CAPSL: variants seen among roughly 807,000 people sequenced by gnomAD.
The protein encoded by CAPSL is calcyphosin-like protein.
CAPSL carries 17 observed loss-of-function variants against 21.3 expected under a neutral mutation model. That is an observed-to-expected ratio of 0.80 (90% CI 0.55 to 1.20). The LOEUF (loss-of-function observed/expected upper bound fraction) is 1.20. Ranked by LOEUF, CAPSL falls within the 50% of genes most tolerant of loss-of-function variation. CAPSL has a pLI of 0.00. For synonymous variants in CAPSL, 102 were observed against 89.3 expected (o/e 1.14, Z -0.80); for missense variants, 289 against 259.3 (o/e 1.11, Z -0.79).
chr5:35,904,714 G>T (rs1760638553), intron 4 of CAPSL, 68 bp from the exon 5 acceptor site: 1 of 1,595,884 alleles, frequency 6.3e-7, no homozygotes, highest in Non-Finnish European at 8.5e-7. Context: ...CGCCCACCTT[G>T]TGCACCTGTA....
chr5:35,931,102 A>G (rs1738810049), intron 1 of CAPSL, among the ~76,000 whole-genome samples: 1 of 152,200 alleles, frequency 6.6e-6, no homozygotes, highest in African/African-American at 2.4e-5. Context: ...ATCTCTTTGT[A>G]TTATCTGTTT....
At chr5:35,906,820 G>A (rs1483629246) in intron 4 of CAPSL, among the ~76,000 whole-genome samples, 2 of 152,128 alleles carry the variant, frequency 1.3e-5, no homozygotes, top group African/African-American at 4.8e-5. Flanking sequence ...GAATGGAGAA[G>A]GAATCCAAGA....
Position 35,914,024 on chromosome 5 carries a change from C to A in CAPSL, c.138-3481G>T, listed in dbSNP as rs976871878. On this transcript the variant is annotated intron_variant, in intron 2 of 4. Transcript: ENST00000651391. ...AAGGGATGGAGGAAGATCTACCAAGCAAATGGAAAACAAAAAAAGGCAGGG... is the reference window on the plus strand; with the variant it reads ...AAGGGATGGAGGAAGATCTACCAAGAAAATGGAAAACAAAAAAAGGCAGGG... Among the ~76,000 whole-genome samples, 5 of 152,010 alleles carry A rather than the reference C, an allele frequency of 3.3e-5. 1 individual carries two copies. Among genetic ancestry groups the A allele is most frequent in the Admixed American group, 2.6e-4 (4 of 15,270 alleles).
intron 1 of CAPSL, among the ~76,000 whole-genome samples, chr5:35,922,352 C>T (rs949142751): frequency 1.3e-5 from 2 of 152,138 alleles, no homozygotes; most frequent in African/African-American, 4.8e-5. Context: ...GGGATGCATA[C>T]ACTTAACGTG....
At chr5:35,929,531 T>C (rs547397013) in intron 1 of CAPSL, among the ~76,000 whole-genome samples, 184 of 152,206 alleles carry the variant, frequency 1.2e-3, no homozygotes, top group African/African-American at 4.1e-3. Flanking sequence ...GACCTCATGA[T>C]CCACCCACCT....
chr5:35,931,022 G>A (rs1435827699), intron 1 of CAPSL, among the ~76,000 whole-genome samples: 2 of 152,168 alleles, frequency 1.3e-5, no homozygotes, highest in African/African-American at 4.8e-5. Flanking sequence ...TTAGAGCCCT[G>A]ACATCATCGA....
chr5:35,927,557 A>T (rs1419531165), intron 1 of CAPSL, among the ~76,000 whole-genome samples: 1 of 152,298 alleles, frequency 6.6e-6, no homozygotes, highest in Non-Finnish European at 1.5e-5. Context: ...TTAAATTCTC[A>T]TCCAAGACAA....
At chr5:35,922,261 C>T (rs1359839593) in intron 1 of CAPSL, among the ~76,000 whole-genome samples, 1 of 152,116 alleles carries the variant, frequency 6.6e-6, no homozygotes, top group Non-Finnish European at 1.5e-5. Flanking sequence ...TGAAAGGTCT[C>T]CCATAGAGGG....
chr5:35,908,810 G>T (rs1237446163), intron 4 of CAPSL, among the ~76,000 whole-genome samples: 1 of 152,164 alleles, frequency 6.6e-6, no homozygotes, highest in Admixed American at 6.5e-5. Context: ...GAACAGAAAG[G>T]TCACCTTCCT....
chr5:35,912,435 A>C (rs182639127), intron 2 of CAPSL, among the ~76,000 whole-genome samples: 3 of 152,316 alleles, frequency 2.0e-5, no homozygotes, highest in Admixed American at 6.5e-5. Context: ...CTGACCCCCG[A>C]GTAGCCTAAC....
intron 1 of CAPSL, among the ~76,000 whole-genome samples, chr5:35,924,181 G>A (rs1416444708): frequency 1.3e-5 from 2 of 152,128 alleles, no homozygotes; most frequent in Non-Finnish European, 2.9e-5. Context: ...CAAGTCGCAC[G>A]GAAACATGAC....
chr5:35,923,921 C>T (rs1180431370), intron 1 of CAPSL, among the ~76,000 whole-genome samples: 1 of 152,058 alleles, frequency 6.6e-6, no homozygotes, highest in Non-Finnish European at 1.5e-5. Flanking sequence ...AAAACCCATG[C>T]ACAGATGTTA....
chr5:35,920,442 A>C (rs1235463983), intron 2 of CAPSL, among the ~76,000 whole-genome samples: 2 of 152,108 alleles, frequency 1.3e-5, no homozygotes, highest in East Asian at 1.9e-4. Flanking sequence ...TTGGTTTCTC[A>C]GTCCTTAAAA....
At chr5:35,916,662 A>G (rs911044753) in intron 2 of CAPSL, among the ~76,000 whole-genome samples, 13 of 152,226 alleles carry the variant, frequency 8.5e-5, no homozygotes, top group African/African-American at 2.7e-4. Flanking sequence ...GCTTAGCCAT[A>G]TGTAGAAAGC....
intron 4 of CAPSL, among the ~76,000 whole-genome samples, chr5:35,906,564 C>T (rs192548406): frequency 6.6e-4 from 101 of 152,228 alleles, no homozygotes; most frequent in Middle Eastern, 3.4e-3. Flanking sequence ...AAGGAAAGGC[C>T]AGGAAAATCA....
chr5:35,909,743 A>T, intron 4 of CAPSL, 123 bp downstream of exon 4: 1 of 826,950 alleles, frequency 1.2e-6, no homozygotes, highest in Non-Finnish European at 1.9e-6. Context: ...CTAGGGAAAT[A>T]GTTTACTTCT....
chr5:35,910,922 C>G lies in CAPSL; in HGVS notation c.138-379G>C, dbSNP rs530502566. ...CTAAAACCCATAGCACTTTACAGAG[C>G]AAGGTGTAAACCTTAATGCATATCA... On this transcript the variant is annotated intron_variant, in intron 2 of 4. Transcript: ENST00000651391. 4.9e-4 allele frequency among the ~76,000 whole-genome samples: 74 copies of G among 152,282 alleles called. No homozygotes were observed. In the South Asian group the frequency reaches 0.015, roughly 31 times the overall value.
intron 2 of CAPSL, among the ~76,000 whole-genome samples, 169 bp downstream of exon 2, chr5:35,920,815 G>A (rs1738516645): frequency 6.6e-6 from 1 of 152,148 alleles, no homozygotes; most frequent in South Asian, 2.1e-4. Flanking sequence ...TCCAAAAACT[G>A]TCACAAGGGA....
chr5:35,916,195 T>C (rs945293695), intron 2 of CAPSL, among the ~76,000 whole-genome samples: 2 of 151,632 alleles, frequency 1.3e-5, no homozygotes, highest in Admixed American at 6.6e-5. Flanking sequence ...TACAAACCAC[T>C]GCTCAAGGAA....
Sources: gnomAD v4.1 joint callset for allele counts (sites outside exome capture counted in the v4.1 genomes callset) on GRCh38, gnomAD v4.1.1 for gene constraint, MANE v1.5 for transcripts, NCBI Gene and HGNC (gene_info 2026-07-23, HGNC 2026-07-21) for gene names.